HYDIN: variants seen among roughly 807,000 people sequenced by gnomAD.
The protein encoded by HYDIN is axonemal central pair apparatus protein HYDIN.
HYDIN carries 132 observed loss-of-function variants against 403.9 expected under a neutral mutation model. That is an observed-to-expected ratio of 0.33 (90% CI 0.28 to 0.38). HYDIN has a LOEUF of 0.38. Ranked by LOEUF, HYDIN falls within the 10% of genes least tolerant of loss-of-function variation. The pLI is 1.00. For synonymous variants in HYDIN, 1,202 were observed against 1,891.7 expected, an observed-to-expected ratio of 0.64 and a Z score of 9.46; for missense variants, 2,827 against 5,009.5, an observed-to-expected ratio of 0.56 and a Z score of 13.15.
chr16:71,069,171 C>T, intron 14 of HYDIN, 96 bp downstream of exon 14: 1 of 1,372,028 alleles, frequency 7.3e-7, no homozygotes, highest in Non-Finnish European at 1.0e-6. Flanking sequence ...CTCCTGCTGA[C>T]ACTGGACATG....
chr16:70,948,508 G>C (rs1288919826), intron 41 of HYDIN, among the ~76,000 whole-genome samples: 3 of 150,506 alleles, frequency 2.0e-5, no homozygotes, highest in African/African-American at 7.3e-5. Flanking sequence ...ACTACCATCA[G>C]AGTGAACAGG....
At chr16:71,148,307 C>A (rs1248878311) in intron 7 of HYDIN, among the ~76,000 whole-genome samples, 1 of 152,126 alleles carries the variant, frequency 6.6e-6, no homozygotes, top group Non-Finnish European at 1.5e-5. Flanking sequence ...CTGAGCACTT[C>A]TCTTCTGAGA....
At chr16:70,928,458 A>T (rs1412230743) in intron 45 of HYDIN, among the ~76,000 whole-genome samples, 2 of 149,400 alleles carry the variant, frequency 1.3e-5, no homozygotes, top group South Asian at 2.1e-4. Flanking sequence ...GACCCTGCCT[A>T]AAAAAAAAAC....
intron 1 of HYDIN, among the ~76,000 whole-genome samples, chr16:71,221,766 G>T (rs1035684169): frequency 6.6e-6 from 1 of 152,200 alleles, no homozygotes; most frequent in Non-Finnish European, 1.5e-5. Flanking sequence ...CATTAGAGAG[G>T]TATAGAAGAA....
intron 39 of HYDIN, among the ~76,000 whole-genome samples, chr16:70,956,594 C>T (rs2078244917): frequency 6.6e-6 from 1 of 152,004 alleles, no homozygotes; most frequent in Non-Finnish European, 1.5e-5. Flanking sequence ...CAGAGCAGGT[C>T]AATCAACCAT....
At position 71,202,908 on chromosome 16, in the gene HYDIN, A is replaced by C. The variant is rs2040651; in HGVS notation, c.-23-15990T>G. Among the ~76,000 whole-genome samples, 1,298 of 152,226 alleles carry C rather than the reference A, an allele frequency of 8.5e-3. 18 individuals are homozygous for C. The highest frequency in any genetic ancestry group is 0.03 in the African/African-American group (1,234 of 41,524). On this transcript the variant is annotated intron_variant, in intron 1 of 85. Coordinates refer to ENST00000393567, the MANE Select transcript of HYDIN (RefSeq NM_001270974.2). ...TCCAGAGAGGTAGGCAGACATAGCC[A>C]ATCATAGTATCCTATACTCTTCTGC...
chr16:70,928,299 CA>C (rs1214161983), intron 45 of HYDIN, among the ~76,000 whole-genome samples: 2 of 152,112 alleles, frequency 1.3e-5, no homozygotes, highest in East Asian at 3.9e-4. Flanking sequence ...CACATTTCTA[CA>C]AAAAAATTAG....
rs1355719615 is a variant in HYDIN, at chr16:70,850,617, C to A, written c.12482G>T (p.Gly4161Val). The A allele has an allele frequency of 6.2e-7, 1 of 1,613,916 alleles. No individual in the cohort carries two copies. Among genetic ancestry groups the A allele is most frequent in the African/African-American group, 1.3e-5 (1 of 74,892 alleles). The change falls in exon 74 of 86, where the codon GGA becomes GTA. Residue 4161 changes from glycine (G) to valine (V), a missense_variant. By Grantham distance (109) the Gly-to-Val change is moderately radical (BLOSUM62 -3). Coordinates refer to ENST00000393567, the MANE Select transcript of HYDIN (RefSeq NM_001270974.2). ...GCAGATCAAATTAAAGTTCACATCT[C>A]CTTCCTGCTTTGGTGTGAAGAAAAT... ...IDIFFTPKQE[G>V]DVNFNLICNV...
At chr16:71,129,427 T>G (rs1356903596) in intron 9 of HYDIN, among the ~76,000 whole-genome samples, 3 of 152,254 alleles carry the variant, frequency 2.0e-5, no homozygotes, top group Non-Finnish European at 2.9e-5. Flanking sequence ...ACACAGTGAC[T>G]GATGCATGGA....
At chr16:71,042,456 A>G (rs1339053700) in intron 18 of HYDIN, among the ~76,000 whole-genome samples, 1 of 151,028 alleles carries the variant, frequency 6.6e-6, no homozygotes, top group Non-Finnish European at 1.5e-5. Context: ...CCCACTCTCC[A>G]TGTCTCTCTC....
At chr16:70,896,110 A>T (rs1453069090) in intron 53 of HYDIN, 30 bp from the exon 54 acceptor site, 6 of 1,613,318 alleles carry the variant, frequency 3.7e-6, no homozygotes, top group Non-Finnish European at 5.1e-6. Context: ...TCTTCAGTAA[A>T]AGCAAGACCT....
intron 1 of HYDIN, among the ~76,000 whole-genome samples, chr16:71,211,126 T>C (rs1181626366): frequency 1.3e-5 from 2 of 152,082 alleles, no homozygotes; most frequent in Non-Finnish European, 2.9e-5. Context: ...AGCTGGCCAC[T>C]CCATTACCAT....
chr16:71,207,868 C>T (rs1385088214), intron 1 of HYDIN, among the ~76,000 whole-genome samples: 2 of 152,098 alleles, frequency 1.3e-5, no homozygotes, highest in Admixed American at 1.3e-4. Context: ...AACAAGAAGA[C>T]CTAACTACCC....
intron 73 of HYDIN, among the ~76,000 whole-genome samples, chr16:70,851,721 C>T (rs1338544273): frequency 2.8e-5 from 4 of 144,266 alleles, no homozygotes; most frequent in Non-Finnish European, 4.5e-5. Flanking sequence ...AATCTCTTTA[C>T]AAAAAACAAA....
intron 1 of HYDIN, among the ~76,000 whole-genome samples, chr16:71,216,752 T>A (rs1049624700): frequency 1.3e-5 from 2 of 152,252 alleles, no homozygotes; most frequent in Admixed American, 1.3e-4. Context: ...TAGCATCAAC[T>A]GAGGATCACC....
At chr16:70,928,215 C>T (rs1194225119) in intron 45 of HYDIN, among the ~76,000 whole-genome samples, 1 of 152,154 alleles carries the variant, frequency 6.6e-6, no homozygotes, top group Non-Finnish European at 1.5e-5. Flanking sequence ...AAGAGGGTAG[C>T]ACTTTGGGAG....
intron 1 of HYDIN, among the ~76,000 whole-genome samples, chr16:71,222,202 G>A (rs573083680): frequency 2.9e-4 from 44 of 152,056 alleles, no homozygotes; most frequent in Non-Finnish European, 6.2e-4. Context: ...CAATAAATGT[G>A]ATATATCACA....
intron 23 of HYDIN, among the ~76,000 whole-genome samples, chr16:71,010,574 C>T (rs1376264544): frequency 2.0e-5 from 3 of 151,586 alleles, no homozygotes; most frequent in Non-Finnish European, 4.4e-5. Flanking sequence ...CTGTGGAAGG[C>T]ACCATTATTA....
At chr16:71,198,565 C>G (rs1460181913) in intron 1 of HYDIN, among the ~76,000 whole-genome samples, 1 of 152,126 alleles carries the variant, frequency 6.6e-6, no homozygotes, top group Non-Finnish European at 1.5e-5. Flanking sequence ...TAGCCCCCCG[C>G]CAGAACAGGA....
Sources: allele counts gnomAD v4.1 joint callset (sites outside exome capture counted in the v4.1 genomes callset), GRCh38; gene constraint gnomAD v4.1.1; transcripts MANE v1.5; gene names NCBI Gene and HGNC (gene_info 2026-07-23, HGNC 2026-07-21).